PCDHA11: variants seen among roughly 807,000 people sequenced by gnomAD.
PCDHA11 encodes protocadherin alpha-11.
Under a neutral mutation model 70.3 loss-of-function variants are expected in PCDHA11, and 61 were observed. The observed-to-expected ratio is 0.87, with a 90% CI of 0.71 to 1.07. The LOEUF is 1.07. Among genes scored for constraint, PCDHA11 ranks in the 50% least tolerant of loss-of-function variants. PCDHA11 has a pLI of 0.00. For missense variants in PCDHA11, 1,324 were observed against 1,237.5 expected, an observed-to-expected ratio of 1.07 and a Z score of -1.05; for synonymous variants, 633 against 555.1, an observed-to-expected ratio of 1.14 and a Z score of -1.97.
chr5:140,882,870 A>T, intron 1 of PCDHA11: 1 of 1,614,196 alleles, frequency 6.2e-7, no homozygotes, highest in South Asian at 1.1e-5. Flanking sequence ...AAAACACTGG[A>T]CAGAGAGGAA....
intron 1 of PCDHA11, among the ~76,000 whole-genome samples, chr5:140,965,342 G>T (rs2095891598): frequency 6.6e-6 from 1 of 152,130 alleles, no homozygotes; most frequent in South Asian, 2.1e-4. Context: ...TTGTCTCTGT[G>T]TTGCCTCTAT....
At chr5:140,954,623 G>C (rs1277762311) in intron 1 of PCDHA11, among the ~76,000 whole-genome samples, 2 of 151,776 alleles carry the variant, frequency 1.3e-5, no homozygotes, top group African/African-American at 4.8e-5. Flanking sequence ...GGCTTGTTTG[G>C]GTTTTTCTTG....
chr5:140,923,498 C>T (rs1233893951), intron 1 of PCDHA11, among the ~76,000 whole-genome samples: 2 of 152,018 alleles, frequency 1.3e-5, no homozygotes, highest in African/African-American at 4.8e-5. Context: ...CACTGCACTC[C>T]AGCCTGGATG....
At chr5:140,921,277 A>G (rs1554200163) in intron 1 of PCDHA11, among the ~76,000 whole-genome samples, 1 of 152,210 alleles carries the variant, frequency 6.6e-6, no homozygotes, top group Non-Finnish European at 1.5e-5. Flanking sequence ...ACTTACTTGA[A>G]AAAAACCTCA....
At chr5:140,999,755 A>G (rs932293037) in intron 3 of PCDHA11, among the ~76,000 whole-genome samples, 1 of 152,168 alleles carries the variant, frequency 6.6e-6, no homozygotes, top group South Asian at 2.1e-4. Context: ...TTCGCAGCAC[A>G]TGATGTCTTT....
intron 1 of PCDHA11, chr5:140,969,096 A>T: frequency 6.2e-7 from 1 of 1,614,162 alleles, no homozygotes; most frequent in Non-Finnish European, 8.5e-7. Flanking sequence ...GTGCAGCCTC[A>T]CTTCATTGAA....
chr5:140,948,464 G>A (rs1357759863), intron 1 of PCDHA11, among the ~76,000 whole-genome samples: 1 of 151,508 alleles, frequency 6.6e-6, no homozygotes, highest in Non-Finnish European at 1.5e-5. Flanking sequence ...TTTAGGGAAA[G>A]TTTCTGATAA....
In PCDHA11 at chr5:140,969,369, C is replaced by A. The variant is rs782020561; in HGVS notation, c.2392-9580C>A. The A allele has an allele frequency of 1.3e-5, 21 of 1,607,718 alleles. 2 individuals carry two copies. In the South Asian group the frequency reaches 2.3e-4, roughly 18 times the overall value. ...TCAGGGGGTCTTCTACAAACTCATG[C>A]ATTTGTTACACATCCCCCAATATCC... is the stretch of plus-strand genomic sequence containing the variant. On this transcript the variant is annotated intron_variant, in intron 1 of 3. Transcript: ENST00000398640.
At chr5:140,914,023 G>A (rs1434570010) in intron 1 of PCDHA11, among the ~76,000 whole-genome samples, 5 of 152,112 alleles carry the variant, frequency 3.3e-5, no homozygotes, top group African/African-American at 7.2e-5. Context: ...AATGATCCAC[G>A]TGCTGAGAAG....
chr5:140,957,145 T>A (rs1554222837), intron 1 of PCDHA11, among the ~76,000 whole-genome samples: 1 of 152,156 alleles, frequency 6.6e-6, no homozygotes, highest in Non-Finnish European at 1.5e-5. Context: ...GAACTAAAAA[T>A]TTTGGAGACA....
At chr5:140,922,391 G>T (rs1354789717) in intron 1 of PCDHA11, among the ~76,000 whole-genome samples, 1 of 152,182 alleles carries the variant, frequency 6.6e-6, no homozygotes, top group Non-Finnish European at 1.5e-5. Context: ...AAGACTCCTT[G>T]TTTTGGATTA....
chr5:140,904,177 AC>A (rs1185990725), intron 1 of PCDHA11, among the ~76,000 whole-genome samples: 1 of 151,302 alleles, frequency 6.6e-6, no homozygotes, highest in Non-Finnish European at 1.5e-5. Flanking sequence ...TTTATTCCTC[AC>A]CCCCTTCCCA....
chr5:140,869,986 G>T lies in PCDHA11; in HGVS notation c.883G>T (p.Asp295Tyr), dbSNP rs781968863. ...KPNGRHLFTL[D>Y]QNNGEVRVNG... ...CAATGGAAGACACTTATTTACACTA[G>T]ATCAAAATAATGGAGAAGTGAGGGT... Residue 295 changes from aspartate (D) to tyrosine (Y), a missense_variant, in exon 1 of 4, where the codon GAT becomes TAT. Coordinates refer to ENST00000398640, the MANE Select transcript of PCDHA11 (RefSeq NM_018902.5). The T allele has an allele frequency of 2.5e-6, 4 of 1,613,322 alleles. No individual in the cohort carries two copies. Among genetic ancestry groups the T allele is most frequent in the Admixed American group, 1.7e-5 (1 of 59,944 alleles).
chr5:140,969,450 G>GTA (rs782343162), intron 1 of PCDHA11: 4 of 1,511,552 alleles, frequency 2.6e-6, no homozygotes, highest in Non-Finnish European at 3.6e-6. Flanking sequence ...GGTAAACTGA[G>GTA]TATATATAGT....
chr5:140,900,180 T>G (rs1223345758), intron 1 of PCDHA11, among the ~76,000 whole-genome samples: 3 of 152,228 alleles, frequency 2.0e-5, no homozygotes, highest in Non-Finnish European at 4.4e-5. Context: ...CTGGTTTATG[T>G]CACTTATAAT....
intron 1 of PCDHA11, chr5:140,884,522 C>T: frequency 6.2e-7 from 1 of 1,614,058 alleles, no homozygotes. Flanking sequence ...GTCGTACTCG[C>T]AGCAGAGGCG....
chr5:140,898,632 C>T (rs2066885282), intron 1 of PCDHA11, among the ~76,000 whole-genome samples: 1 of 152,158 alleles, frequency 6.6e-6, no homozygotes, highest in Non-Finnish European at 1.5e-5. Flanking sequence ...ATAATGCCTC[C>T]AGCTTTGTTC....
intron 1 of PCDHA11, among the ~76,000 whole-genome samples, chr5:140,952,530 A>T (rs246033): frequency 6.6e-6 from 1 of 151,882 alleles, no homozygotes; most frequent in Non-Finnish European, 1.5e-5. Context: ...ACCTCCTCAG[A>T]CTGGACTTCT....
intron 1 of PCDHA11, among the ~76,000 whole-genome samples, chr5:140,908,808 A>C (rs781863210): frequency 6.6e-6 from 1 of 152,068 alleles, no homozygotes; most frequent in Non-Finnish European, 1.5e-5. Flanking sequence ...AAAAAGTGAG[A>C]GCCTTTTGGG....
Sources: allele counts gnomAD v4.1 joint callset (sites outside exome capture counted in the v4.1 genomes callset), GRCh38; gene constraint gnomAD v4.1.1; transcripts MANE v1.5; gene names NCBI Gene and HGNC (gene_info 2026-07-23, HGNC 2026-07-21).